The following CREM variants were observed in gnomAD, a reference collection of about 807,000 sequenced individuals.
CREM encodes the protein cAMP responsive element modulator.
CREM carries 13 observed loss-of-function variants against 37.3 expected under a neutral mutation model. The observed-to-expected ratio is 0.35, with a 90% CI of 0.23 to 0.55. CREM has a LOEUF of 0.55. CREM is among the 20% of genes least tolerant of loss of function. The pLI is 0.88. For missense variants in CREM, 296 were observed against 362.3 expected (o/e 0.82, Z 1.49); for synonymous variants, 124 against 120.2 (o/e 1.03, Z -0.21).
chr10:35,205,158 C>T (rs144969637), intron 6 of CREM, among the ~76,000 whole-genome samples: 35 of 152,250 alleles, frequency 2.3e-4, no homozygotes, highest in African/African-American at 6.7e-4. Flanking sequence ...TTTTATCACT[C>T]GAATCCATCT....
chr10:35,191,635 G>A (rs2094922945), intron 6 of CREM, among the ~76,000 whole-genome samples: 1 of 152,098 alleles, frequency 6.6e-6, no homozygotes, highest in Non-Finnish European at 1.5e-5. Context: ...ATTTAACACT[G>A]TCGACTTCTG....
At chr10:35,143,085 C>T (rs555335223) in intron 2 of CREM, among the ~76,000 whole-genome samples, 1 of 152,346 alleles carries the variant, frequency 6.6e-6, no homozygotes, top group East Asian at 1.9e-4. Flanking sequence ...ATTCTCCTGC[C>T]TCCACCTCCC....
At chr10:35,185,781 A>G (rs563707152) in intron 5 of CREM, among the ~76,000 whole-genome samples, 3 of 152,202 alleles carry the variant, frequency 2.0e-5, no homozygotes, top group Non-Finnish European at 4.4e-5. Context: ...TTCTATTGAC[A>G]TTCTGTAACT....
At chr10:35,168,743 A>C (rs1408870038) in intron 3 of CREM, among the ~76,000 whole-genome samples, 1 of 152,240 alleles carries the variant, frequency 6.6e-6, no homozygotes, top group Non-Finnish European at 1.5e-5. Flanking sequence ...CTAACATTTA[A>C]GTCTTTAATC....
chr10:35,158,949 T>A (rs977702672), intron 3 of CREM, among the ~76,000 whole-genome samples: 11 of 151,974 alleles, frequency 7.2e-5, no homozygotes, highest in Non-Finnish European at 1.3e-4. Context: ...AGTGTTGACA[T>A]TTTCTTTCTT....
intron 2 of CREM, among the ~76,000 whole-genome samples, chr10:35,144,349 G>A (rs527912350): frequency 3.3e-5 from 5 of 152,208 alleles, no homozygotes; most frequent in African/African-American, 4.8e-5. Flanking sequence ...ATAGACACAC[G>A]ATTCTAGCTT....
At chr10:35,154,900 G>A (rs1008014010) in intron 3 of CREM, among the ~76,000 whole-genome samples, 6 of 152,178 alleles carry the variant, frequency 3.9e-5, no homozygotes, top group Admixed American at 2.6e-4. Context: ...ACAAGAATTT[G>A]TTATGTATCT....
intron 2 of CREM, among the ~76,000 whole-genome samples, chr10:35,142,808 A>G (rs566513298): frequency 2.0e-5 from 3 of 152,140 alleles, no homozygotes; most frequent in Non-Finnish European, 4.4e-5. Context: ...GGGTCTCACT[A>G]TGTTGCCCAG....
At chr10:35,151,257 A>G (rs370741835) in intron 3 of CREM, among the ~76,000 whole-genome samples, 25 of 152,360 alleles carry the variant, frequency 1.6e-4, no homozygotes, top group Middle Eastern at 3.4e-3. Context: ...TTGTATGCTA[A>G]TAAATATTGA....
intron 2 of CREM, among the ~76,000 whole-genome samples, chr10:35,144,220 G>A (rs2091802101): frequency 6.6e-6 from 1 of 152,122 alleles, no homozygotes; most frequent in African/African-American, 2.4e-5. Context: ...GAGTTGGGAT[G>A]GCTGCTGACC....
intron 2 of CREM, 90 bp downstream of exon 2, chr10:35,137,969 C>CATGT: frequency 2.2e-6 from 2 of 921,650 alleles, no homozygotes. Context: ...TGTACACATA[C>CATGT]ATGTATGTAT....
rs576488352 is a variant in CREM at position 35,167,143 on chromosome 10, T to TG, written c.169-11740dup. Among the ~76,000 whole-genome samples, 516 of 152,168 alleles carry TG rather than the reference T, an allele frequency of 3.4e-3. 5 individuals carry two copies. The highest frequency in any genetic ancestry group is 0.012 in the African/African-American group (489 of 41,534). On this transcript the variant is annotated intron_variant, in intron 3 of 7. Coordinates refer to ENST00000685392, the MANE Select transcript of CREM (RefSeq NM_183011.2). ...GTGACAGAGCAAGACTCCGTCTCAG[T>TG]GGGGGGAAAAAAAATTAAAGTGGAA...
chr10:35,209,829 A>G (rs2095624377), intron 7 of CREM, among the ~76,000 whole-genome samples: 1 of 152,174 alleles, frequency 6.6e-6, no homozygotes, highest in African/African-American at 2.4e-5. Flanking sequence ...CAATTGCATC[A>G]TTTAGATTAA....
At chr10:35,157,023 A>C (rs751148471) in intron 3 of CREM, among the ~76,000 whole-genome samples, 28 of 152,214 alleles carry the variant, frequency 1.8e-4, no homozygotes, top group Non-Finnish European at 2.5e-4. Flanking sequence ...AAATTCAACA[A>C]CATATTAAAA....
chr10:35,187,154 TAATATATA>T (rs2094653126), intron 5 of CREM, among the ~76,000 whole-genome samples: 1 of 54,734 alleles, frequency 1.8e-5, no homozygotes, highest in African/African-American at 6.9e-5. Flanking sequence ...ATAATATATA[TAATATATA>T]TTATATATTA....
intron 3 of CREM, among the ~76,000 whole-genome samples, chr10:35,153,633 C>G (rs1314387057): frequency 6.6e-6 from 1 of 152,164 alleles, no homozygotes; most frequent in Non-Finnish European, 1.5e-5. Flanking sequence ...TTAAAACTGA[C>G]TTTCTGAAGT....
At chr10:35,174,330 G>A (rs2132868662) in intron 3 of CREM, among the ~76,000 whole-genome samples, 1 of 152,286 alleles carries the variant, frequency 6.6e-6, no homozygotes, top group Middle Eastern at 3.4e-3. Flanking sequence ...ACTATTTGGT[G>A]TGCCATTGTT....
intron 3 of CREM, chr10:35,154,676 T>C (rs965430612): frequency 6.6e-6 from 1 of 152,180 alleles, no homozygotes; most frequent in Non-Finnish European, 1.5e-5. Flanking sequence ...GAATTATCTA[T>C]AAAAATGAAC....
intron 5 of CREM, among the ~76,000 whole-genome samples, chr10:35,187,155 A>ATT (rs2094653324): frequency 1.5e-5 from 1 of 65,452 alleles, no homozygotes; most frequent in East Asian, 4.5e-4. Flanking sequence ...TAATATATAT[A>ATT]ATATATATTA....
Sources: allele counts gnomAD v4.1 joint callset (sites outside exome capture counted in the v4.1 genomes callset), GRCh38; gene constraint gnomAD v4.1.1; transcripts MANE v1.5; gene names NCBI Gene and HGNC (gene_info 2026-07-23, HGNC 2026-07-21).